The following TAOK2 variants were observed in gnomAD, a reference collection of about 807,000 sequenced individuals.
TAOK2 encodes the protein TAO kinase 2.
A neutral mutation model predicts 122.5 loss-of-function variants in TAOK2; 42 were observed. The ratio of observed to expected loss-of-function variants is 0.34; its 90% CI spans 0.27 to 0.44. The LOEUF (loss-of-function observed/expected upper bound fraction) is 0.44. TAOK2 is among the 20% of genes least tolerant of loss of function. The probability of loss-of-function intolerance (pLI) is 1.00; values close to 1 mark genes in which losing one functional copy is unlikely to be tolerated. For synonymous variants in TAOK2, 704 were observed against 677.6 expected, an observed-to-expected ratio of 1.04 and a Z score of -0.61; for missense variants, 1,264 against 1,644.9, an observed-to-expected ratio of 0.77 and a Z score of 4.01.
chr16:29,987,735 A>G lies in TAOK2; in HGVS notation c.3463A>G (p.Lys1155Glu). The G allele has an allele frequency of 2.5e-6, 4 of 1,614,094 alleles. No individual in the cohort carries two copies. The highest frequency in any genetic ancestry group is 3.4e-6 in the Non-Finnish European group (4 of 1,179,960). The change falls in exon 16 of 16, where the codon AAG becomes GAG. Residue 1155 changes from lysine (K) to glutamate (E), a missense_variant. Transcript: ENST00000308893. ...GTTGGCAAGGGTCTGGGTCCTGTGC[A>G]AGGGCTGGAACTGGCGTCTGGCACG... ...ALLARVWVLC[K>E]GWNWRLARAS...
At chr16:29,991,497 C>T, downstream of TAOK2, 2 of 1,478,860 alleles carry the variant, frequency 1.4e-6, no homozygotes, top group Middle Eastern at 2.0e-4. This position sits in a 1 kb window ranked among gnomAD's most constrained non-coding sequence, Gnocchi z 5.6. Flanking sequence ...TGCCGCGGTG[C>T]CCGGGCCCCT....
chr16:29,978,730 A>G (rs1311131407), intron 4 of TAOK2, 69 bp from the exon 5 acceptor site: 2 of 1,578,012 alleles, frequency 1.3e-6, no homozygotes, highest in Admixed American at 1.7e-5. Context: ...AGTACAGGAC[A>G]GTCAAGGAAG....
chr16:29,986,739 G>T lies in TAOK2; in HGVS notation c.2467G>T (p.Ala823Ser). 6.2e-7 allele frequency: 1 copy of T among 1,614,074 alleles called. No individual in the cohort carries two copies. Among genetic ancestry groups the T allele is most frequent in the Non-Finnish European group, 8.5e-7 (1 of 1,179,984 alleles). Reference protein sequence around the residue: ...QQRILGEESGAPSPSPQKHGS... With the variant: ...QQRILGEESGSPSPSPQKHGS... ...GAGGATTCTGGGGGAAGAATCAGGA[G>T]CCCCTAGTCCCAGTCCACAAAAACA... The change falls in exon 16 of 16, where the codon GCC becomes TCC. Residue 823 changes from alanine (A) to serine (S), a missense_variant. Around this residue, in one of 4 missense-constraint regions of TAOK2, gnomAD observed 824 missense variants for 908.7 expected, o/e 0.91. Coordinates refer to ENST00000308893, the MANE Select transcript of TAOK2 (RefSeq NM_016151.4). This position sits in a 1 kb window ranked among gnomAD's most constrained non-coding sequence, Gnocchi z 4.2.
At position 29,982,942 on chromosome 16, in the gene TAOK2, T is replaced by C. The variant is rs748343287; in HGVS notation, c.999+41T>C. The stretch of plus-strand genomic sequence containing the variant: ...CTAACACCCCTCTTTATACCCCATG[T>C]GTGCCTGCCCCCTGCAGTTGCTTGG... On this transcript the variant is annotated intron_variant, in intron 11 of 15. Coordinates refer to ENST00000308893, the MANE Select transcript of TAOK2 (RefSeq NM_016151.4). The C allele has an allele frequency of 5.6e-6, 9 of 1,609,892 alleles. No homozygotes were observed. In the African/African-American group the frequency reaches 1.2e-4, roughly 22 times the overall value.
intron 1 of TAOK2, among the ~76,000 whole-genome samples, chr16:29,975,881 A>G (rs911576417): frequency 2.0e-5 from 3 of 152,200 alleles, no homozygotes; most frequent in African/African-American, 7.2e-5. Context: ...CATTTCACTG[A>G]AGAGAAGACC....
chr16:29,979,537 A>T lies in TAOK2; in HGVS notation c.655+29A>T. 2 of 1,469,438 alleles carry T rather than the reference A, an allele frequency of 1.4e-6. No homozygotes were observed. The highest frequency in any genetic ancestry group is 1.8e-6 in the Non-Finnish European group (2 of 1,101,514). 91.0% of individuals were successfully genotyped at this position (1,469,438 alleles called of 1,614,324 possible). A position where few individuals can be genotyped will look rare whatever the true frequency, so the allele number is the denominator to read the frequency against. The stretch of plus-strand genomic sequence containing the variant: ...AGAACATCCTCCCTGTTCCCTCATC[A>T]TCTTTTCCATTCTTTCCTGTTAGTT... On this transcript the variant is annotated intron_variant, in intron 8 of 15. Coordinates refer to ENST00000308893, the MANE Select transcript of TAOK2 (RefSeq NM_016151.4). The surrounding 1 kb of genome is among the most constrained non-coding windows in gnomAD (Gnocchi z 4.1).
chr16:29,983,247 A>G lies in TAOK2; in HGVS notation c.1175A>G (p.Glu392Gly), dbSNP rs1302665844. Residue 392 changes from glutamate (E) to glycine (G), a missense_variant, in exon 12 of 16, where the codon GAA (glutamate) becomes GGA (glycine). Around this residue, in one of 4 missense-constraint regions of TAOK2, gnomAD observed 122 missense variants for 116.7 expected, o/e 1.04. Transcript: ENST00000308893. ...EEEEEEEEEE[E>G]GPEAREMAMM... ...GAGGAGGAAGAGGAGGAGGAGGAAG[A>G]AGGCCCTGAAGCCCGGGAGATGGCC... 1 of 1,610,868 alleles carries G rather than the reference A, an allele frequency of 6.2e-7. No homozygotes were observed. The highest frequency in any genetic ancestry group is 8.5e-7 in the Non-Finnish European group (1 of 1,179,962).
At position 29,981,883 on chromosome 16, in the gene TAOK2, C is replaced by T. The variant is rs139742949; in HGVS notation, c.774C>T (p.Val258=). The T allele has an allele frequency of 1.2e-4, 198 of 1,605,470 alleles. No homozygotes were observed. The highest frequency in any genetic ancestry group is 1.7e-4 in the Middle Eastern group (1 of 6,052). Residue 258 remains valine (V), a synonymous_variant, in exon 10 of 16, where the codon GTC becomes GTT. Coordinates refer to ENST00000308893, the MANE Select transcript of TAOK2 (RefSeq NM_016151.4). Reference sequence around the variant, plus strand: ...GGTCTGAGTACTTCCGGAATTTTGTCGACTCCTGTCTTCAGAAAATCCCTC... The same window carrying T: ...GGTCTGAGTACTTCCGGAATTTTGTTGACTCCTGTCTTCAGAAAATCCCTC... ...GHWSEYFRNF[V]DSCLQKIPQD...
chr16:29,980,710 A>C (rs180714166), intron 8 of TAOK2: 136 of 152,342 alleles, frequency 8.9e-4, no homozygotes, highest in African/African-American at 3.1e-3. Context: ...AACGGACCCA[A>C]GTATAAGAAA....
chr16:29,991,858 A>G (rs1291896166), downstream of TAOK2: 4 of 340,642 alleles, frequency 1.2e-5, no homozygotes, highest in Admixed American at 4.7e-5. The surrounding 1 kb of genome is among the most constrained non-coding windows in gnomAD (Gnocchi z 5.6). Flanking sequence ...ATATTCATCT[A>G]GTCCCCTGGG....
In TAOK2 at chr16:29,985,425, G is replaced by T; in HGVS notation, c.1635G>T (p.Arg545=). The change falls in exon 14 of 16, where the codon CGG becomes CGT. Residue 545 remains arginine (R), a synonymous_variant. Transcript: ENST00000308893. The surrounding 1 kb of genome is among the most constrained non-coding windows in gnomAD (Gnocchi z 6.9). ...CAGAGGCAGAAAAGCTGGCCCGGCG[G>T]CACCAGGCCATAGGTGAGAAGGAGG... is the stretch of plus-strand genomic sequence containing the variant. The part of the protein sequence containing the change: ...FGAEAEKLAR[R]HQAIGEKEAR... 6.2e-7 allele frequency: 1 copy of T among 1,608,696 alleles called. No homozygotes were observed. Among genetic ancestry groups the T allele is most frequent in the Non-Finnish European group, 8.5e-7 (1 of 1,177,690 alleles).
chr16:29,991,239 T>A, downstream of TAOK2: 1 of 1,611,752 alleles, frequency 6.2e-7, no homozygotes, highest in South Asian at 1.1e-5. This position sits in a 1 kb window ranked among gnomAD's most constrained non-coding sequence, Gnocchi z 5.6. Context: ...TGCCCCAGCC[T>A]GGCCCTCCCG....
intron 10 of TAOK2, 85 bp downstream of exon 10, chr16:29,982,025 T>A (rs1468968538): frequency 1.7e-6 from 2 of 1,149,120 alleles, no homozygotes; most frequent in East Asian, 5.1e-5. Flanking sequence ...TGGTTCCCAG[T>A]TCCTCCTCCA....
At chr16:29,991,085 C>A, downstream of TAOK2, 2 of 1,586,508 alleles carry the variant, frequency 1.3e-6, no homozygotes, top group Non-Finnish European at 8.6e-7. The surrounding 1 kb of genome is among the most constrained non-coding windows in gnomAD (Gnocchi z 5.6). Flanking sequence ...CAGGACGCTC[C>A]GAGCGAATCC....
At chr16:29,988,826 G>A, downstream of TAOK2, 1 of 985,404 alleles carries the variant, frequency 1.0e-6, no homozygotes, top group South Asian at 4.7e-5. Context: ...CAACCAGGCG[G>A]AGTATGAAGG....
downstream of TAOK2, chr16:29,991,288 C>G: frequency 6.2e-7 from 1 of 1,611,868 alleles, no homozygotes; most frequent in Non-Finnish European, 8.5e-7. The surrounding 1 kb of genome is among the most constrained non-coding windows in gnomAD (Gnocchi z 5.6). Flanking sequence ...AGCCATGGCC[C>G]TCCTCCACCA....
chr16:29,985,129 A>G lies in TAOK2; in HGVS notation c.1423-84A>G. On this transcript the variant is annotated intron_variant, in intron 13 of 15. Transcript: ENST00000308893. The surrounding 1 kb of genome is among the most constrained non-coding windows in gnomAD (Gnocchi z 6.9). ...AATGAAACCCATGAGTTGAAAACCCATGCTCTTCCCCACGGAAGACCCCTT... is the reference window on the plus strand; with the variant it reads ...AATGAAACCCATGAGTTGAAAACCCGTGCTCTTCCCCACGGAAGACCCCTT... 2.1e-6 allele frequency: 3 copies of G among 1,426,470 alleles called. No homozygotes were observed. The highest frequency in any genetic ancestry group is 2.8e-6 in the Non-Finnish European group (3 of 1,088,092). 88.4% of individuals were successfully genotyped at this position (1,426,470 alleles called of 1,614,324 possible). A position where few individuals can be genotyped will look rare whatever the true frequency, so the allele number is the denominator to read the frequency against.
rs768110173 is a variant in TAOK2, at chr16:29,985,138, C to T, written c.1423-75C>T. 4.5e-5 allele frequency: 65 copies of T among 1,435,302 alleles called. No individual in the cohort carries two copies. Among genetic ancestry groups the T allele is most frequent in the African/African-American group, 7.1e-5 (5 of 70,206 alleles). The allele number at this position is 1,435,302 out of a possible 1,614,324, so 88.9% of individuals were successfully genotyped here. ...CATGAGTTGAAAACCCATGCTCTTC[C>T]CCACGGAAGACCCCTTGTGTTAATT... On this transcript the variant is annotated intron_variant, in intron 13 of 15. Transcript: ENST00000308893. This position sits in a 1 kb window ranked among gnomAD's most constrained non-coding sequence, Gnocchi z 6.9.
At chr16:29,983,968 C>T (rs1459223902) in intron 13 of TAOK2, among the ~76,000 whole-genome samples, 1 of 152,230 alleles carries the variant, frequency 6.6e-6, no homozygotes, top group African/African-American at 2.4e-5. Context: ...TCAGATGCTT[C>T]ACAGTTGTGT....
Sources: gnomAD v4.1 joint callset for allele counts (sites outside exome capture counted in the v4.1 genomes callset) on GRCh38, gnomAD v4.1.1 for gene constraint, gnomAD v4.1.1 regional missense constraint, Gnocchi (gnomAD v3.1) non-coding constraint, MANE v1.5 for transcripts, NCBI Gene and HGNC (gene_info 2026-07-23, HGNC 2026-07-21) for gene names.